UNC93A: variants seen among roughly 807,000 people sequenced by gnomAD.
UNC93A encodes the protein N-acetylglucosamine transporter UNC93A.
UNC93A carries 43 observed loss-of-function variants against 47.5 expected under a neutral mutation model. The ratio of observed to expected loss-of-function variants is 0.91; its 90% CI spans 0.71 to 1.17. The LOEUF (loss-of-function observed/expected upper bound fraction) is 1.17, where lower values mean the gene tolerates loss of function less well. Ranked by LOEUF, UNC93A falls within the 50% of genes most tolerant of loss-of-function variation. UNC93A has a pLI of 0.00. For missense variants in UNC93A, 605 were observed against 577.6 expected (o/e 1.05, Z -0.49); for synonymous variants, 280 against 258.0 (o/e 1.09, Z -0.82).
At chr6:167,299,382 T>C (rs1778179211) in intron 4 of UNC93A, among the ~76,000 whole-genome samples, 1 of 151,984 alleles carries the variant, frequency 6.6e-6, no homozygotes. Context: ...CTTTTCCTCA[T>C]GCTGAGATGA....
Position 167,296,110 on chromosome 6 carries a change from G to T in UNC93A, c.348G>T (p.Thr116=). 1 of 1,614,188 alleles carries T rather than the reference G, an allele frequency of 6.2e-7. No homozygotes were observed. The change falls in exon 3 of 8, where the codon ACG becomes ACT. Residue 116 remains threonine, a synonymous_variant. Transcript: ENST00000230256. The stretch of plus-strand genomic sequence containing the variant: ...GGTCTGCACAGTGCACATACCTCAC[G>T]ATCACGGGAAACACACATGCAGAGA... ...PLWSAQCTYL[T]ITGNTHAEKA... is the part of the protein sequence containing the mutation.
At chr6:167,273,928 G>A (rs909880145) in intron 1 of UNC93A, among the ~76,000 whole-genome samples, 9 of 152,162 alleles carry the variant, frequency 5.9e-5, no homozygotes, top group African/African-American at 2.2e-4. Flanking sequence ...AGAGAGAATC[G>A]ATGGTAAATG....
intron 1 of UNC93A, among the ~76,000 whole-genome samples, chr6:167,277,156 C>T (rs61180048): frequency 0.037 from 5,687 of 152,322 alleles, 175 homozygotes; most frequent in African/African-American, 0.072. Flanking sequence ...TAGCAGCTTG[C>T]ACCTTGTTGA....
chr6:167,309,664 A>G (rs1242132933), intron 7 of UNC93A, among the ~76,000 whole-genome samples: 1 of 152,196 alleles, frequency 6.6e-6, no homozygotes, highest in South Asian at 2.1e-4. Context: ...CTGTCCCTGC[A>G]CTGAGGATAA....
At chr6:167,287,471 CTGTT>C (rs1160428448), upstream of UNC93A, among the ~76,000 whole-genome samples, 1 of 152,172 alleles carries the variant, frequency 6.6e-6, no homozygotes, top group African/African-American at 2.4e-5. Context: ...TAGTTGTTCA[CTGTT>C]TGGTTCCTCC....
chr6:167,290,119 C>T (rs960802372), upstream of UNC93A, among the ~76,000 whole-genome samples: 1 of 152,166 alleles, frequency 6.6e-6, no homozygotes, highest in Non-Finnish European at 1.5e-5. Context: ...CTCAGTGACC[C>T]ACCTGAGATC....
At chr6:167,293,100 G>A (rs1035006495) in intron 1 of UNC93A, among the ~76,000 whole-genome samples, 7 of 152,262 alleles carry the variant, frequency 4.6e-5, no homozygotes, top group Non-Finnish European at 5.9e-5. Context: ...GGGCAAATGC[G>A]GGCAGACAAC....
chr6:167,305,852 C>T, intron 5 of UNC93A, 63 bp from the exon 6 acceptor site: 2 of 1,610,060 alleles, frequency 1.2e-6, no homozygotes, highest in South Asian at 1.1e-5. Flanking sequence ...CCGACTGCAG[C>T]TTTAGCTTGA....
intron 5 of UNC93A, 62 bp downstream of exon 5, chr6:167,304,195 T>C: frequency 6.3e-7 from 1 of 1,581,590 alleles, no homozygotes; most frequent in South Asian, 1.1e-5. Context: ...CTTGCCTGTG[T>C]CTGTACCTGC....
intron 1 of UNC93A, among the ~76,000 whole-genome samples, chr6:167,280,309 G>A (rs182936268): frequency 4.1e-4 from 62 of 152,268 alleles, no homozygotes; most frequent in African/African-American, 1.3e-3. Context: ...GGAAGGAGGA[G>A]CACATTTGTT....
At chr6:167,298,705 G>T (rs1352356325) in intron 4 of UNC93A, among the ~76,000 whole-genome samples, 1 of 152,112 alleles carries the variant, frequency 6.6e-6, no homozygotes, top group African/African-American at 2.4e-5. Flanking sequence ...TTTTAATAGA[G>T]AATGTTATGT....
intron 1 of UNC93A, among the ~76,000 whole-genome samples, chr6:167,274,963 T>A (rs141785995): frequency 6.6e-6 from 1 of 152,176 alleles, no homozygotes; most frequent in Non-Finnish European, 1.5e-5. Flanking sequence ...AAGTCCTTCA[T>A]ACATCAACTG....
chr6:167,298,087 C>A lies in UNC93A; in HGVS notation c.625+17C>A. On this transcript the variant is annotated intron_variant, in intron 4 of 7. Coordinates refer to ENST00000230256, the MANE Select transcript of UNC93A (RefSeq NM_018974.4). The stretch of plus-strand genomic sequence containing the variant: ...TCTACACTGGTACGAGCTCCATCGG[C>A]CCAGGGCAGGGTCCCTAGCAAAGCA... The A allele has an allele frequency of 2.5e-6, 4 of 1,612,076 alleles. No individual in the cohort carries two copies. The highest frequency in any genetic ancestry group is 3.4e-6 in the Non-Finnish European group (4 of 1,179,124).
chr6:167,277,875 G>A (rs1456877852), intron 1 of UNC93A, among the ~76,000 whole-genome samples: 1 of 146,076 alleles, frequency 6.8e-6, no homozygotes, highest in African/African-American at 2.6e-5. Context: ...CCTTCTGTCT[G>A]TCTCTTGGTC....
chr6:167,273,289 GC>G (rs201366135), intron 1 of UNC93A, among the ~76,000 whole-genome samples: 1 of 131,936 alleles, frequency 7.6e-6, no homozygotes, highest in Non-Finnish European at 1.7e-5. Context: ...CAGGACTCAG[GC>G]CCCCAACTCC....
At chr6:167,285,169 G>A (rs2115093334) in intron 1 of UNC93A, among the ~76,000 whole-genome samples, 1 of 152,000 alleles carries the variant, frequency 6.6e-6, no homozygotes, top group Non-Finnish European at 1.5e-5. Context: ...GAGGGTGGCT[G>A]ACCATCTGGG....
At chr6:167,289,696 G>A (rs1783808171), upstream of UNC93A, among the ~76,000 whole-genome samples, 1 of 151,636 alleles carries the variant, frequency 6.6e-6, no homozygotes. Context: ...AGCAACCAAG[G>A]GAGAAAGACC....
chr6:167,305,222 G>T (rs2115162890), intron 5 of UNC93A, among the ~76,000 whole-genome samples: 1 of 152,340 alleles, frequency 6.6e-6, no homozygotes, highest in South Asian at 2.1e-4. Flanking sequence ...GCCATAGTGG[G>T]TGTCCTCAAC....
chr6:167,294,696 C>G lies in UNC93A; in HGVS notation c.267C>G (p.Ser89Arg). The G allele has an allele frequency of 6.3e-7, 1 of 1,589,286 alleles. No homozygotes were observed. Among genetic ancestry groups the G allele is most frequent in the Non-Finnish European group, 8.6e-7 (1 of 1,164,088 alleles). ...TCTCCGTGGGCAACTTCTTCGCCAG[C>G]TGGTACGCAGCCACCACCCCCTGCC... ...VAFSVGNFFASWYTLIPTSIL... is the reference protein window; with the variant it reads ...VAFSVGNFFARWYTLIPTSIL... Residue 89 changes from serine (S) to arginine (R), a missense_variant and splice_region_variant, in exon 2 of 8, where the codon AGC becomes AGG. Physicochemically the swap from Ser to Arg is moderately radical, Grantham distance 110 (BLOSUM62 -1). Transcript: ENST00000230256.
Sources: gnomAD v4.1 joint callset for allele counts (sites outside exome capture counted in the v4.1 genomes callset) on GRCh38, gnomAD v4.1.1 for gene constraint, MANE v1.5 for transcripts, NCBI Gene and HGNC (gene_info 2026-07-23, HGNC 2026-07-21) for gene names.